RABGEF1: variants seen among roughly 807,000 people sequenced by gnomAD.
RABGEF1 encodes rab5 GDP/GTP exchange factor.
A neutral mutation model predicts 57.3 loss-of-function variants in RABGEF1; 26 were observed. The ratio of observed to expected loss-of-function variants is 0.45; its 90% CI spans 0.33 to 0.63. The LOEUF (loss-of-function observed/expected upper bound fraction) is 0.63, where lower values mean the gene tolerates loss of function less well. Ranked by LOEUF, RABGEF1 falls within the 20% of genes least tolerant of loss-of-function variation. RABGEF1 has a pLI of 0.02. For synonymous variants in RABGEF1, 185 were observed against 210.7 expected (o/e 0.88, Z 1.06); for missense variants, 464 against 607.6 (o/e 0.76, Z 2.48).
the RABGEF1 span, among the ~76,000 whole-genome samples, chr7:66,673,821 G>T: frequency 6.6e-6 from 1 of 151,924 alleles, no homozygotes; most frequent in Non-Finnish European, 1.5e-5. Context: ...AGAGGCTGCA[G>T]TGAGCTATGA....
chr7:66,726,043 G>A (rs1188874883), intron 2 of RABGEF1, among the ~76,000 whole-genome samples: 6 of 152,316 alleles, frequency 3.9e-5, no homozygotes, highest in Admixed American at 1.3e-4. Context: ...TTCAGCTCTC[G>A]GGAGGACCTG....
intron 2 of RABGEF1, among the ~76,000 whole-genome samples, chr7:66,734,151 A>G (rs2117688651): frequency 6.6e-6 from 1 of 152,276 alleles, no homozygotes; most frequent in African/African-American, 2.4e-5. Context: ...GGTATTTTTG[A>G]AGATTAGACG....
At chr7:66,805,507 C>T in intron 8 of RABGEF1, 111 bp downstream of exon 8, 1 of 1,488,020 alleles carries the variant, frequency 6.7e-7, no homozygotes, top group Non-Finnish European at 9.1e-7. Context: ...TGTGAGAAGG[C>T]AGCATGGCTG....
chr7:66,739,677 AAAAAAAT>A (rs1242478885), upstream of RABGEF1, among the ~76,000 whole-genome samples: 113 of 149,758 alleles, frequency 7.5e-4, no homozygotes, highest in African/African-American at 2.5e-3. Flanking sequence ...AAAAAAAAAA[AAAAAAAT>A]AGACTGAAAA....
At chr7:66,698,993 C>T (rs567568193) in intron 1 of RABGEF1, among the ~76,000 whole-genome samples, 3 of 152,340 alleles carry the variant, frequency 2.0e-5, no homozygotes, top group South Asian at 2.1e-4. Context: ...GAGTCCAGCC[C>T]GTCCTTCAGT....
intron 1 of RABGEF1, among the ~76,000 whole-genome samples, chr7:66,687,684 TA>T (rs567405167): frequency 7.9e-5 from 12 of 151,970 alleles, no homozygotes; most frequent in African/African-American, 2.7e-4. Context: ...TTAAATAAAA[TA>T]AAACATGATC....
At chr7:66,718,961 G>A (rs139224714) in intron 2 of RABGEF1, among the ~76,000 whole-genome samples, 3 of 152,284 alleles carry the variant, frequency 2.0e-5, no homozygotes, top group East Asian at 1.9e-4. Flanking sequence ...TACTTCTTAC[G>A]ACTGCATCTT....
At chr7:66,718,406 C>G (rs1040680868) in intron 2 of RABGEF1, among the ~76,000 whole-genome samples, 5 of 152,150 alleles carry the variant, frequency 3.3e-5, no homozygotes, top group African/African-American at 1.2e-4. Flanking sequence ...GTAATTCCAA[C>G]ATCTGTGCCA....
chr7:66,674,710 C>G, the RABGEF1 span, among the ~76,000 whole-genome samples: 47 of 152,088 alleles, frequency 3.1e-4, no homozygotes, highest in East Asian at 8.9e-3. Context: ...AGAGAACATA[C>G]TATATAATTC....
intron 2 of RABGEF1, among the ~76,000 whole-genome samples, chr7:66,735,144 T>C (rs777667245): frequency 1.1e-4 from 17 of 152,332 alleles, no homozygotes; most frequent in Non-Finnish European, 2.2e-4. Flanking sequence ...GTGTTAGATA[T>C]AAAGTGTTAG....
chr7:66,796,593 T>G (rs1316843084), intron 5 of RABGEF1, among the ~76,000 whole-genome samples: 1 of 152,038 alleles, frequency 6.6e-6, no homozygotes, highest in Non-Finnish European at 1.5e-5. Context: ...TTTGTTTGTT[T>G]GTTTGTTTGT....
chr7:66,689,481 C>T (rs1025830892), intron 1 of RABGEF1, among the ~76,000 whole-genome samples: 1 of 151,916 alleles, frequency 6.6e-6, no homozygotes, highest in African/African-American at 2.4e-5. Context: ...CAAAACCTAC[C>T]AAGACTAAAT....
At chr7:66,693,797 C>CT (rs1471383502) in intron 1 of RABGEF1, among the ~76,000 whole-genome samples, 1 of 151,034 alleles carries the variant, frequency 6.6e-6, no homozygotes, top group East Asian at 1.9e-4. Context: ...TCAGTAAACT[C>CT]TTTCCTTTTT....
chr7:66,677,889 A>G (rs1789398136), upstream of RABGEF1, among the ~76,000 whole-genome samples: 1 of 151,030 alleles, frequency 6.6e-6, no homozygotes, highest in Non-Finnish European at 1.5e-5. Context: ...ACATGGCAAA[A>G]CCTTGTCTCT....
chr7:66,809,432 C>T lies in RABGEF1; in HGVS notation c.*148C>T, dbSNP rs1584326870. On this transcript the variant is annotated 3_prime_UTR_variant, in exon 9 of 9. Transcript: ENST00000284957. ...AGTATATGGGGATTGTTTCGTTTTT[C>T]CTAGCAGGGGAACCTTAGTTAATAA... 2.6e-6 allele frequency: 2 copies of T among 778,918 alleles called. No individual in the cohort carries two copies. Among genetic ancestry groups the T allele is most frequent in the East Asian group, 5.8e-5 (2 of 34,476 alleles). 48.3% of individuals were successfully genotyped at this position (778,918 alleles called of 1,614,324 possible).
chr7:66,670,433 ATTTTTTTTT>A, the RABGEF1 span, among the ~76,000 whole-genome samples: 113 of 116,054 alleles, frequency 9.7e-4, no homozygotes, highest in Middle Eastern at 5.7e-3. Context: ...GAATGAGATG[ATTTTTTTTT>A]TTTTTTTTTT....
intron 1 of RABGEF1, among the ~76,000 whole-genome samples, chr7:66,743,267 A>G (rs560245347): frequency 3.1e-4 from 47 of 151,472 alleles, no homozygotes; most frequent in African/African-American, 1.1e-3. Context: ...CCAAGATTGT[A>G]CCAATGCACT....
At chr7:66,789,682 CAAAAAAAAAAAAAAAA>C (rs35661980) in intron 4 of RABGEF1, among the ~76,000 whole-genome samples, 1 of 57,466 alleles carries the variant, frequency 1.7e-5, no homozygotes, top group Non-Finnish European at 2.9e-5. Flanking sequence ...GACTCTATCT[CAAAAAAAAAAAAAAAA>C]AAAAAAAAAA....
At chr7:66,733,450 G>A (rs1353227144) in intron 2 of RABGEF1, among the ~76,000 whole-genome samples, 1 of 152,010 alleles carries the variant, frequency 6.6e-6, no homozygotes, top group South Asian at 2.1e-4. Context: ...TGTAATCCCA[G>A]CACTTTGAGA....
Sources: gnomAD v4.1 joint callset for allele counts (sites outside exome capture counted in the v4.1 genomes callset) on GRCh38, gnomAD v4.1.1 for gene constraint, MANE v1.5 for transcripts, NCBI Gene and HGNC (gene_info 2026-07-23, HGNC 2026-07-21) for gene names.